Variants in SUPT3H observed in about 807,000 individuals in gnomAD.
The protein encoded by SUPT3H is transcription initiation protein SPT3 homolog.
Under a neutral mutation model 44.3 loss-of-function variants are expected in SUPT3H, and 44 were observed. That is an observed-to-expected ratio of 0.99 (90% CI 0.78 to 1.28). SUPT3H has a LOEUF of 1.28. SUPT3H is among the 50% of genes most tolerant of loss of function. The pLI is 0.00. For synonymous variants in SUPT3H, 124 were observed against 125.6 expected, an observed-to-expected ratio of 0.99 and a Z score of 0.09; for missense variants, 380 against 387.1, an observed-to-expected ratio of 0.98 and a Z score of 0.15.
intron 6 of SUPT3H, among the ~76,000 whole-genome samples, chr6:44,999,875 T>C (rs568448338): frequency 6.6e-6 from 1 of 152,162 alleles, no homozygotes; most frequent in Admixed American, 6.6e-5. Flanking sequence ...GCTTCTCTCC[T>C]TAAATTCTCT....
At chr6:45,204,623 A>G (rs1762957414) in intron 2 of SUPT3H, among the ~76,000 whole-genome samples, 1 of 152,190 alleles carries the variant, frequency 6.6e-6, no homozygotes, top group Non-Finnish European at 1.5e-5. Flanking sequence ...GAGTCATCAC[A>G]TAACATTTCA....
Position 44,904,207 on chromosome 6 carries a change from T to G in SUPT3H, c.912+28446A>C, listed in dbSNP as rs141916674. On this transcript the variant is annotated intron_variant, in intron 10 of 10. Coordinates refer to ENST00000371459, the MANE Select transcript of SUPT3H (RefSeq NM_003599.4). Reference sequence around the variant, plus strand: ...GAGAAGGAAATAAAGGGTATTCAATTAGGAAAAGAGGAAGTCAAATTGTCC... The same window carrying G: ...GAGAAGGAAATAAAGGGTATTCAATGAGGAAAAGAGGAAGTCAAATTGTCC... 4.0e-3 allele frequency among the ~76,000 whole-genome samples: 601 copies of G among 151,004 alleles called. 2 individuals carry two copies. The highest frequency in any genetic ancestry group is 5.7e-3 in the Non-Finnish European group (385 of 68,002).
chr6:45,336,378 T>C (rs959115799), intron 2 of SUPT3H, among the ~76,000 whole-genome samples: 22 of 151,422 alleles, frequency 1.5e-4, no homozygotes, highest in Middle Eastern at 3.4e-3. Context: ...AGAAAACACA[T>C]AAAGTGATCT....
chr6:45,019,093 G>C (rs142523206), intron 4 of SUPT3H, among the ~76,000 whole-genome samples: 2,738 of 152,166 alleles, frequency 0.018, 77 homozygotes, highest in African/African-American at 0.061. Context: ...TATCTGTCAA[G>C]GAATTTATCC....
At chr6:45,139,231 A>G (rs553650814) in intron 2 of SUPT3H, among the ~76,000 whole-genome samples, 1 of 152,360 alleles carries the variant, frequency 6.6e-6, no homozygotes, top group East Asian at 1.9e-4. Flanking sequence ...AATTGGCAAT[A>G]AAAACAAAAT....
chr6:45,110,780 G>A (rs928426260), intron 2 of SUPT3H, among the ~76,000 whole-genome samples: 16 of 152,100 alleles, frequency 1.1e-4, no homozygotes, highest in African/African-American at 3.6e-4. Context: ...GCATGTATTT[G>A]ATGATGTATC....
intron 2 of SUPT3H, among the ~76,000 whole-genome samples, chr6:45,217,073 A>AT (rs1350404323): frequency 6.6e-6 from 1 of 152,238 alleles, no homozygotes; most frequent in African/African-American, 2.4e-5. Flanking sequence ...GTATTTAAAT[A>AT]TTGCTCAATG....
chr6:45,098,758 A>G, intron 3 of SUPT3H: 1 of 478,992 alleles, frequency 2.1e-6, no homozygotes, highest in Admixed American at 2.2e-5. Context: ...CTAAGACATC[A>G]TCACTACCAG....
chr6:44,835,459 TTGAGGTTGAAAGGGATGAAGATGGGC>T (rs1769674449), intron 10 of SUPT3H, among the ~76,000 whole-genome samples: 5 of 4,768 alleles, frequency 1.0e-3, no homozygotes, highest in Non-Finnish European at 2.5e-3. Context: ...GCACAGAGGG[TTGAGGTTGAAAGGGATGAAGATGGGC>T]ACAGAGGGTT....
intron 2 of SUPT3H, among the ~76,000 whole-genome samples, chr6:45,182,825 A>C (rs1813525630): frequency 6.6e-6 from 1 of 152,232 alleles, no homozygotes; most frequent in Admixed American, 6.5e-5. Flanking sequence ...CAAAAAGGAA[A>C]ATAACAAGTG....
chr6:45,183,382 A>T (rs925620406), intron 2 of SUPT3H, among the ~76,000 whole-genome samples: 1 of 152,208 alleles, frequency 6.6e-6, no homozygotes, highest in Non-Finnish European at 1.5e-5. Context: ...GTCCGTCTTC[A>T]CGATGCATAA....
chr6:45,034,602 C>T (rs1226800229), intron 3 of SUPT3H, among the ~76,000 whole-genome samples: 1 of 151,966 alleles, frequency 6.6e-6, no homozygotes, highest in Non-Finnish European at 1.5e-5. Context: ...ACACTATGGT[C>T]CAATGATGAA....
chr6:45,202,910 G>T (rs1039793691), intron 2 of SUPT3H, among the ~76,000 whole-genome samples: 14 of 152,072 alleles, frequency 9.2e-5, no homozygotes, highest in Non-Finnish European at 1.5e-4. Flanking sequence ...AAATGTATGT[G>T]TGTGTGTGTA....
intron 2 of SUPT3H, among the ~76,000 whole-genome samples, chr6:45,326,236 C>T (rs970014178): frequency 2.6e-5 from 4 of 151,806 alleles, no homozygotes; most frequent in Non-Finnish European, 5.9e-5. Flanking sequence ...AAACTATAAG[C>T]TTATTTGAAA....
chr6:45,140,932 G>C (rs1489617179), intron 2 of SUPT3H, among the ~76,000 whole-genome samples: 1 of 152,200 alleles, frequency 6.6e-6, no homozygotes, highest in Non-Finnish European at 1.5e-5. Context: ...CTTTTCCACT[G>C]AAAGAGTCCA....
At chr6:45,216,984 A>T (rs906227201) in intron 2 of SUPT3H, among the ~76,000 whole-genome samples, 5 of 152,168 alleles carry the variant, frequency 3.3e-5, no homozygotes, top group Admixed American at 3.3e-4. Context: ...ATTAGAGACT[A>T]GGGAGGGCAG....
At chr6:45,172,869 T>C (rs1389934000) in intron 2 of SUPT3H, among the ~76,000 whole-genome samples, 1 of 152,154 alleles carries the variant, frequency 6.6e-6, no homozygotes, top group Non-Finnish European at 1.5e-5. Context: ...GGATTACAAG[T>C]GTGAGCCACC....
intron 10 of SUPT3H, among the ~76,000 whole-genome samples, chr6:44,854,811 C>A (rs1250315243): frequency 6.6e-6 from 1 of 152,094 alleles, no homozygotes; most frequent in Non-Finnish European, 1.5e-5. Flanking sequence ...TTCTTTTAAA[C>A]TAAAGACTTT....
chr6:45,274,365 T>C (rs554112637), intron 2 of SUPT3H, among the ~76,000 whole-genome samples: 1 of 152,192 alleles, frequency 6.6e-6, no homozygotes, highest in Non-Finnish European at 1.5e-5. Flanking sequence ...TCAAGGTCAT[T>C]GTGTTATATC....
Sources: allele counts gnomAD v4.1 joint callset (sites outside exome capture counted in the v4.1 genomes callset), GRCh38; gene constraint gnomAD v4.1.1; transcripts MANE v1.5; gene names NCBI Gene and HGNC (gene_info 2026-07-23, HGNC 2026-07-21).